Variants in TTN observed in about 807,000 individuals in gnomAD.
TTN encodes the protein connectin.
A neutral mutation model predicts 3,223.0 loss-of-function variants in TTN; 1,525 were observed. The ratio of observed to expected loss-of-function variants is 0.47; its 90% CI spans 0.45 to 0.49. The LOEUF is 0.49. Among genes scored for constraint, TTN ranks in the 20% least tolerant of loss-of-function variants. The probability of loss-of-function intolerance (pLI) is 0.00; values close to 1 mark genes in which losing one functional copy is unlikely to be tolerated. For synonymous variants in TTN, 14,094 were observed against 15,161.0 expected (o/e 0.93, Z 5.17); for missense variants, 40,786 against 43,424.0 (o/e 0.94, Z 5.40).
At position 178,706,704 on chromosome 2, in the gene TTN, C is replaced by T. The variant is rs778955269; in HGVS notation, c.29170G>A (p.Asp9724Asn). The part of the protein sequence containing the change: ...TATFIAKVGG[D>N]PIPNVKWTKG... ...GTCCATTTAACATTTGGGATTGGGT[C>T]ACCTCCAACTTTTGCAATGAAGGTC... The change falls in exon 102 of 363, where the codon GAC becomes AAC. Residue 9724 changes from aspartate (D) to asparagine (N), a missense_variant. Asp to Asn is a conservative substitution (Grantham distance 23). Transcript: ENST00000589042. 6.2e-6 allele frequency: 10 copies of T among 1,612,044 alleles called. No individual in the cohort carries two copies. The South Asian group carries it at 9.9e-5, about 16-fold the overall frequency.
intron 242 of TTN, among the ~76,000 whole-genome samples, chr2:178,623,081 C>G (rs778474914): frequency 6.6e-6 from 1 of 151,848 alleles, no homozygotes; most frequent in Non-Finnish European, 1.5e-5. Context: ...TTCATTTGCA[C>G]TGCACCAGAC....
Position 178,607,924 on chromosome 2 carries a change from C to T in TTN, c.52863G>A (p.Glu17621=), listed in dbSNP as rs368606067. 5.8e-5 allele frequency: 93 copies of T among 1,612,930 alleles called. No individual in the cohort carries two copies. The highest frequency in any genetic ancestry group is 7.5e-5 in the Non-Finnish European group (88 of 1,179,334). The part of the protein sequence containing the change: ...VGTNEWSRCT[E]KMIKVRQYTV... ...TGTACTGACGGACCTTGATCATCTT[C>T]TCTGTGCAGCGTGACCATTCATTTG... The change falls in exon 276 of 363, where the codon GAG becomes GAA. Residue 17621 remains glutamate (E), a synonymous_variant. Transcript: ENST00000589042.
chr2:178,619,652 G>A lies in TTN; in HGVS notation c.46665C>T (p.Asp15555=), dbSNP rs1287622877. The stretch of plus-strand genomic sequence containing the variant: ...GTTCAAGCTTAGCTCTGGCTTCTTT[G>A]TCTTTGGCAATAAATCTGTATTCAC... ...DQGEYRFIAK[D]KEARAKLELA... is the part of the protein sequence containing the mutation. The change falls in exon 250 of 363, where the codon GAC becomes GAT. Residue 15555 remains aspartate (D), a synonymous_variant. Coordinates refer to ENST00000589042, the MANE Select transcript of TTN (RefSeq NM_001267550.2). 6.2e-7 allele frequency: 1 copy of A among 1,611,998 alleles called. No individual in the cohort carries two copies. Among genetic ancestry groups the A allele is most frequent in the Non-Finnish European group, 8.5e-7 (1 of 1,178,786 alleles).
intron 99 of TTN, among the ~76,000 whole-genome samples, chr2:178,708,765 G>A (rs1034543435): frequency 3.9e-5 from 6 of 152,140 alleles, no homozygotes; most frequent in Non-Finnish European, 7.4e-5. Context: ...TTACTTATTA[G>A]TGATATCAGC....
intron 6 of TTN, chr2:178,799,145 A>G: frequency 3.3e-6 from 1 of 307,608 alleles, no homozygotes; most frequent in Non-Finnish European, 6.3e-6. Flanking sequence ...GTCCCTAGCG[A>G]GGCCTGTGCC....
rs2057138196 is a variant in TTN, at chr2:178,615,331, C to T, written c.48614G>A (p.Cys16205Tyr). Residue 16205 changes from cysteine to tyrosine, a missense_variant, in exon 259 of 363, where the codon TGT (cysteine) becomes TAT (tyrosine). Cys to Tyr is a radical substitution (Grantham distance 194). Transcript: ENST00000589042. Reference protein sequence around the residue: ...CPRGSDKWVACGEPVAETKME... With the variant: ...CPRGSDKWVAYGEPVAETKME... ...CTTTGTTTCTGCAACAGGTTCTCCA[C>T]AGGCAACCCATTTATCAGAACCACG... 6.2e-7 allele frequency: 1 copy of T among 1,612,416 alleles called. No homozygotes were observed. Among genetic ancestry groups the T allele is most frequent in the African/African-American group, 1.3e-5 (1 of 74,924 alleles).
In TTN at chr2:178,543,147, T is replaced by C; in HGVS notation, c.96826A>G (p.Arg32276Gly). 6.2e-7 allele frequency: 1 copy of C among 1,612,988 alleles called. No homozygotes were observed. The highest frequency in any genetic ancestry group is 1.1e-5 in the South Asian group (1 of 91,058). The change falls in exon 347 of 363, where the codon AGA (arginine) becomes GGA (glycine). Residue 32276 changes from arginine to glycine, a missense_variant. By Grantham distance (125) the Arg-to-Gly change is moderately radical. Transcript: ENST00000589042. ...SLNEGEQYLF[R>G]IRAQNEKGVS... Reference sequence around the variant, plus strand: ...CCTTTCTCATTTTGTGCCCTTATTCTAAATAAGTATTGTTCACCTTCATTT... The same window carrying C: ...CCTTTCTCATTTTGTGCCCTTATTCCAAATAAGTATTGTTCACCTTCATTT...
In TTN at chr2:178,727,673, T is replaced by C; in HGVS notation, c.19905A>G (p.Ser6635=). The C allele has an allele frequency of 6.2e-7, 1 of 1,613,120 alleles. No individual in the cohort carries two copies. ...ACTGTCCAGTCTTAGAAGCATCCAC[T>C]GAGTAGAGATTTAAGAAGCTAGTCG... ...EGSTSFLNLY[S]VDASKTGQYT... Residue 6635 remains serine, a synonymous_variant, in exon 68 of 363, where the codon TCA becomes TCG. Transcript: ENST00000589042.
chr2:178,562,361 G>A lies in TTN; in HGVS notation c.83771C>T (p.Ser27924Phe). 2 of 1,610,852 alleles carry A rather than the reference G, an allele frequency of 1.2e-6. No homozygotes were observed. The highest frequency in any genetic ancestry group is 1.3e-5 in the African/African-American group (1 of 74,864). ...TQVKTLEATI[S>F]GLTAGEEYVF... ...ATACTCTTCTCCTGCAGTTAAGCCA[G>A]ATATAGTTGCTTCTAGAGTCTTAAC... The change falls in exon 326 of 363, where the codon TCT (serine) becomes TTT (phenylalanine). Residue 27924 changes from serine to phenylalanine, a missense_variant. Coordinates refer to ENST00000589042, the MANE Select transcript of TTN (RefSeq NM_001267550.2).
At chr2:178,749,750 T>C (rs1271863875) in intron 47 of TTN, 1 of 1,612,956 alleles carries the variant, frequency 6.2e-7, no homozygotes, top group Admixed American at 1.7e-5. Flanking sequence ...ATCCTTAATA[T>C]ATAATTGGTG....
In TTN at chr2:178,773,890, A is replaced by C. The variant is rs754128341; in HGVS notation, c.7278T>G (p.Ser2426=). 10 of 1,614,112 alleles carry C rather than the reference A, an allele frequency of 6.2e-6. No individual in the cohort carries two copies. The change falls in exon 31 of 363, where the codon TCT becomes TCG. Residue 2426 remains serine (S), a synonymous_variant. Coordinates refer to ENST00000589042, the MANE Select transcript of TTN (RefSeq NM_001267550.2). The part of the protein sequence containing the change: ...DMTKEDAGNY[S]FTIPALGLST... The stretch of plus-strand genomic sequence containing the variant: ...AGAGGCCAAGGGCTGGAATGGTGAA[A>C]GAGTAATTTCCAGCATCTTCCTTAG...
At chr2:178,630,139 A>G (rs1360428908) in intron 239 of TTN, 102 bp downstream of exon 239, 1 of 1,511,092 alleles carries the variant, frequency 6.6e-7, no homozygotes, top group South Asian at 1.2e-5. Context: ...TTGTGTTTTA[A>G]TAATATTTTC....
chr2:178,618,080 A>G lies in TTN; in HGVS notation c.47271T>C (p.Asp15757=), dbSNP rs76081119. The G allele has an allele frequency of 8.4e-4, 1,356 of 1,611,912 alleles. 9 individuals carry two copies. The African/African-American group carries it at 0.017, about 20-fold the overall frequency. The change falls in exon 253 of 363, where the codon GAT becomes GAC. Residue 15757 remains aspartate (D), a splice_region_variant and synonymous_variant. Transcript: ENST00000589042. ...TTACATTCAAAGGAGGGCCTGGAAC[A>G]TCTGGATTTCACCACAGAAGAAGAA... ...DNPVEARSKY[D]VPGPPLNVTI...
chr2:178,769,598 G>A, intron 37 of TTN, 81 bp downstream of exon 37: 2 of 1,251,664 alleles, frequency 1.6e-6, no homozygotes, highest in Non-Finnish European at 2.1e-6. Flanking sequence ...CAAAGTGTAG[G>A]ATATAGAATA....
At chr2:178,680,714 A>AT (rs2069176312) in intron 138 of TTN, among the ~76,000 whole-genome samples, 1 of 152,094 alleles carries the variant, frequency 6.6e-6, no homozygotes, top group Non-Finnish European at 1.5e-5. Flanking sequence ...AATCTTCAAA[A>AT]TGAATTTAGA....
chr2:178,694,998 A>G, intron 115 of TTN, 92 bp from the exon 116 acceptor site: 1 of 885,530 alleles, frequency 1.1e-6, no homozygotes, highest in South Asian at 1.8e-5. Flanking sequence ...ATATGTGTTT[A>G]TACACACCTA....
intron 113 of TTN, 88 bp downstream of exon 113, chr2:178,697,033 T>C: frequency 5.0e-6 from 6 of 1,200,598 alleles, no homozygotes; most frequent in South Asian, 2.8e-5. Flanking sequence ...TTTCAATAAG[T>C]TGGAAGCCTA....
Position 178,546,041 on chromosome 2 carries a change from G to C in TTN, c.95195C>G (p.Pro31732Arg). 1 of 1,613,746 alleles carries C rather than the reference G, an allele frequency of 6.2e-7. No individual in the cohort carries two copies. Among genetic ancestry groups the C allele is most frequent in the South Asian group, 1.1e-5 (1 of 91,082 alleles). Residue 31732 changes from proline to arginine, a missense_variant, in exon 343 of 363, where the codon CCG becomes CGG. Pro to Arg is a moderately radical substitution (Grantham distance 103, BLOSUM62 -2). Coordinates refer to ENST00000589042, the MANE Select transcript of TTN (RefSeq NM_001267550.2). ...QEKCTLAWSL[P>R]QEDGGAEITH... is the part of the protein sequence containing the mutation. ...GATTTCTGCTCCTCCGTCTTCCTGC[G>C]GAAGGCTCCAGGCTAAAGTGCACTT... is the stretch of plus-strand genomic sequence containing the variant.
intron 120 of TTN, 130 bp downstream of exon 120, chr2:178,692,367 G>A (rs1158656655): frequency 2.5e-5 from 24 of 972,778 alleles, no homozygotes; most frequent in Non-Finnish European, 3.4e-5. Context: ...ACAAATAAAT[G>A]AAATCAATAT....
Sources: allele counts gnomAD v4.1 joint callset (sites outside exome capture counted in the v4.1 genomes callset), GRCh38; gene constraint gnomAD v4.1.1; transcripts MANE v1.5; gene names NCBI Gene and HGNC (gene_info 2026-07-23, HGNC 2026-07-21).